Variants in UBE2L3 observed in about 807,000 individuals in gnomAD.
UBE2L3 encodes ubiquitin conjugating enzyme E2 L3.
A neutral mutation model predicts 17.8 loss-of-function variants in UBE2L3; 1 was observed. The observed-to-expected ratio is 0.06, with a 90% CI of 0.02 to 0.27. The LOEUF (loss-of-function observed/expected upper bound fraction) is 0.27, where lower values mean the gene tolerates loss of function less well. UBE2L3 is among the 10% of genes least tolerant of loss of function. The pLI, the probability that UBE2L3 is intolerant of heterozygous loss-of-function variation, is 1.00. For synonymous variants in UBE2L3, 44 were observed against 68.5 expected, an observed-to-expected ratio of 0.64 and a Z score of 1.76; for missense variants, 40 against 192.6, an observed-to-expected ratio of 0.21 and a Z score of 4.69.
chr22:21,577,408 G>A (rs1284530033), intron 1 of UBE2L3, among the ~76,000 whole-genome samples: 2 of 152,192 alleles, frequency 1.3e-5, no homozygotes, highest in African/African-American at 4.8e-5. Flanking sequence ...CCCAGCCCTT[G>A]TCTTCTCTTT....
At chr22:21,568,113 C>T in intron 1 of UBE2L3, 17 of 1,092,664 alleles carry the variant, frequency 1.6e-5, no homozygotes, top group East Asian at 5.7e-5. Context: ...TTGGGAGGCT[C>T]CAAACCGGGC....
chr22:21,615,696 TG>T (rs1929734135), intron 3 of UBE2L3, among the ~76,000 whole-genome samples: 1 of 152,234 alleles, frequency 6.6e-6, no homozygotes, highest in Non-Finnish European at 1.5e-5. Flanking sequence ...TAAAGTTTTT[TG>T]TAGCCCCAAA....
upstream of UBE2L3, among the ~76,000 whole-genome samples, chr22:21,564,543 T>C (rs557648380): frequency 6.6e-6 from 1 of 152,248 alleles, no homozygotes; most frequent in Admixed American, 6.5e-5. Flanking sequence ...TAAAAGCACT[T>C]TGTAGCTCAG....
At chr22:21,565,237 C>G (rs1303831868), upstream of UBE2L3, among the ~76,000 whole-genome samples, 1 of 151,812 alleles carries the variant, frequency 6.6e-6, no homozygotes, top group Non-Finnish European at 1.5e-5. Flanking sequence ...GGAATACAGG[C>G]GCCCGCCACC....
At chr22:21,606,509 T>C (rs1929181272) in intron 2 of UBE2L3, among the ~76,000 whole-genome samples, 1 of 152,114 alleles carries the variant, frequency 6.6e-6, no homozygotes, top group Non-Finnish European at 1.5e-5. Context: ...TAAATGACAA[T>C]GATGTTTACT....
rs544358893 is a variant in UBE2L3, at chr22:21,618,035, G to A, written c.311-3480G>A. The stretch of plus-strand genomic sequence containing the variant: ...TCTTTACTAAAATTACAAAGAATTA[G>A]CAAGGCGTGGTGGCGGATGCCTGTA... On this transcript the variant is annotated intron_variant, in intron 3 of 3. Coordinates refer to ENST00000342192, the MANE Select transcript of UBE2L3 (RefSeq NM_003347.4). 5.3e-5 allele frequency among the ~76,000 whole-genome samples: 8 copies of A among 151,940 alleles called. No individual in the cohort carries two copies. The South Asian group carries it at 1.7e-3, about 32-fold the overall frequency.
chr22:21,615,370 A>C (rs973007898), intron 3 of UBE2L3, among the ~76,000 whole-genome samples: 3 of 151,816 alleles, frequency 2.0e-5, no homozygotes, highest in South Asian at 2.1e-4. Context: ...CCTGGCTAAC[A>C]TGGTGAAACC....
At chr22:21,572,811 C>T (rs1927056359) in intron 1 of UBE2L3, among the ~76,000 whole-genome samples, 1 of 152,150 alleles carries the variant, frequency 6.6e-6, no homozygotes, top group Non-Finnish European at 1.5e-5. Flanking sequence ...TCCCTCTGGC[C>T]CCATGCATCT....
At chr22:21,575,328 C>G (rs1252007669) in intron 1 of UBE2L3, among the ~76,000 whole-genome samples, 1 of 147,626 alleles carries the variant, frequency 6.8e-6, no homozygotes, top group African/African-American at 2.5e-5. Flanking sequence ...GGCTCATATC[C>G]GAATCCCAGC....
intron 1 of UBE2L3, among the ~76,000 whole-genome samples, chr22:21,556,239 A>G (rs1414177729): frequency 1.3e-5 from 2 of 152,326 alleles, no homozygotes; most frequent in African/African-American, 4.8e-5. Flanking sequence ...TCTAAAACAA[A>G]CAAAAAAAGG....
intron 1 of UBE2L3, among the ~76,000 whole-genome samples, chr22:21,587,974 C>T (rs570919344): frequency 1.1e-3 from 161 of 152,312 alleles, no homozygotes; most frequent in African/African-American, 3.2e-3. Flanking sequence ...TCTCTTTCTC[C>T]TGCACCACCT....
chr22:21,567,580 C>T, upstream of UBE2L3: 1 of 1,443,094 alleles, frequency 6.9e-7, no homozygotes, highest in South Asian at 1.4e-5. Flanking sequence ...GGTTCACTTG[C>T]GTTCCTCCAC....
intron 1 of UBE2L3, among the ~76,000 whole-genome samples, chr22:21,581,694 C>T (rs1301813625): frequency 1.3e-5 from 2 of 151,602 alleles, no homozygotes; most frequent in South Asian, 2.1e-4. Context: ...CCCAGCTGCT[C>T]GGGAGTCTGA....
intron 1 of UBE2L3, chr22:21,555,530 C>G (rs1223399564): frequency 6.4e-6 from 1 of 155,546 alleles, no homozygotes; most frequent in African/African-American, 2.4e-5. Flanking sequence ...GAGGCTGAGG[C>G]AGGAGAATCG....
At chr22:21,617,162 A>G (rs1431627096) in intron 3 of UBE2L3, among the ~76,000 whole-genome samples, 1 of 151,614 alleles carries the variant, frequency 6.6e-6, no homozygotes. Flanking sequence ...AAAAAAAAAA[A>G]AGAAAAGGAA....
chr22:21,593,187 T>A (rs999234372), intron 2 of UBE2L3, among the ~76,000 whole-genome samples: 1 of 152,136 alleles, frequency 6.6e-6, no homozygotes, highest in Non-Finnish European at 1.5e-5. Context: ...GCTTTGCAGA[T>A]CTGTAGACAC....
At chr22:21,619,541 T>A (rs1289376991) in intron 3 of UBE2L3, among the ~76,000 whole-genome samples, 1 of 152,194 alleles carries the variant, frequency 6.6e-6, no homozygotes, top group Non-Finnish European at 1.5e-5. Flanking sequence ...GCCCTCTCTT[T>A]CCCATTCTCA....
rs1380994565 is a variant in UBE2L3, at chr22:21,603,020, G to C, written c.124-7837G>C. On this transcript the variant is annotated intron_variant, in intron 2 of 3. Coordinates refer to ENST00000342192, the MANE Select transcript of UBE2L3 (RefSeq NM_003347.4). The stretch of plus-strand genomic sequence containing the variant: ...TGGTGTTAGGGGACCAGGAGGGGCG[G>C]AATATGGGCTGGAGATGGCACGGAA... Among the ~76,000 whole-genome samples, 4 of 152,168 alleles carry C rather than the reference G, an allele frequency of 2.6e-5. 1 individual carries two copies.
intron 1 of UBE2L3, among the ~76,000 whole-genome samples, chr22:21,576,070 C>T (rs1433190382): frequency 4.6e-5 from 7 of 151,674 alleles, no homozygotes; most frequent in Admixed American, 4.6e-4. Context: ...GGAAGGCTCC[C>T]ACAGGTGCTG....
Sources: gnomAD v4.1 joint callset for allele counts (sites outside exome capture counted in the v4.1 genomes callset) on GRCh38, gnomAD v4.1.1 for gene constraint, MANE v1.5 for transcripts, NCBI Gene and HGNC (gene_info 2026-07-23, HGNC 2026-07-21) for gene names.